PRELID2: variants seen among roughly 807,000 people sequenced by gnomAD.
PRELID2 encodes PRELI domain-containing protein 2.
Under a neutral mutation model 28.4 loss-of-function variants are expected in PRELID2, and 25 were observed. That is an observed-to-expected ratio of 0.88 (90% CI 0.64 to 1.23). The LOEUF is 1.23. Ranked by LOEUF, PRELID2 falls within the 50% of genes most tolerant of loss-of-function variation. The pLI is 0.00. For missense variants in PRELID2, 201 were observed against 214.4 expected, an observed-to-expected ratio of 0.94 and a Z score of 0.39; for synonymous variants, 76 against 71.6, an observed-to-expected ratio of 1.06 and a Z score of -0.31.
chr5:145,691,672 T>G (rs1292768590), intron 1 of PRELID2, among the ~76,000 whole-genome samples: 1 of 151,950 alleles, frequency 6.6e-6, no homozygotes, highest in Non-Finnish European at 1.5e-5. Context: ...AAGCCGAGAT[T>G]ACGCCACTGC....
At chr5:145,487,820 T>C (rs1752230982) in intron 1 of PRELID2, among the ~76,000 whole-genome samples, 1 of 151,046 alleles carries the variant, frequency 6.6e-6, no homozygotes, top group Non-Finnish European at 1.5e-5. Flanking sequence ...ACAGCAGACA[T>C]AAAAATCAAG....
At chr5:145,628,384 C>T (rs915511912) in intron 1 of PRELID2, among the ~76,000 whole-genome samples, 18 of 152,180 alleles carry the variant, frequency 1.2e-4, no homozygotes, top group African/African-American at 3.1e-4. Flanking sequence ...AGTGCAGTGG[C>T]GCCATCTCAG....
At chr5:145,671,338 A>G (rs1196452619) in intron 1 of PRELID2, among the ~76,000 whole-genome samples, 4 of 152,198 alleles carry the variant, frequency 2.6e-5, no homozygotes, top group Admixed American at 6.6e-5. Flanking sequence ...TTTTAGGTCC[A>G]ATAGAGTACT....
chr5:145,281,716 C>G, the PRELID2 span, among the ~76,000 whole-genome samples: 1 of 152,178 alleles, frequency 6.6e-6, no homozygotes, highest in Non-Finnish European at 1.5e-5. Context: ...GCGTGAAAAT[C>G]TAGTTACTTA....
chr5:145,691,048 G>T (rs1052375021), intron 1 of PRELID2, among the ~76,000 whole-genome samples: 1 of 151,886 alleles, frequency 6.6e-6, no homozygotes, highest in Non-Finnish European at 1.5e-5. Context: ...GCATGTGATG[G>T]TGTAAATTGT....
At chr5:145,458,263 G>A in the PRELID2 span, among the ~76,000 whole-genome samples, 1 of 152,178 alleles carries the variant, frequency 6.6e-6, no homozygotes, top group African/African-American at 2.4e-5. Flanking sequence ...TATGAACAAT[G>A]TAACTGGTCA....
chr5:145,371,840 C>G, the PRELID2 span, among the ~76,000 whole-genome samples: 1 of 145,270 alleles, frequency 6.9e-6, no homozygotes, highest in Non-Finnish European at 1.5e-5. Flanking sequence ...TGATTCTTCT[C>G]TCTTTTCTTC....
At chr5:145,350,220 T>C in the PRELID2 span, among the ~76,000 whole-genome samples, 12 of 152,300 alleles carry the variant, frequency 7.9e-5, no homozygotes, top group African/African-American at 1.4e-4. Flanking sequence ...ATCATAATAG[T>C]CTTTAACACT....
At chr5:145,240,717 C>T in the PRELID2 span, among the ~76,000 whole-genome samples, 2 of 152,002 alleles carry the variant, frequency 1.3e-5, 1 homozygote, top group South Asian at 4.1e-4. Context: ...TTAAAGGCTC[C>T]TGTTGCTTAT....
chr5:145,626,196 T>C (rs751183574), intron 1 of PRELID2, among the ~76,000 whole-genome samples: 65 of 152,064 alleles, frequency 4.3e-4, no homozygotes, highest in Non-Finnish European at 6.6e-4. Flanking sequence ...TAATTAAACT[T>C]AAAACCTTCT....
chr5:145,776,595 C>T (rs10040587), intron 5 of PRELID2, among the ~76,000 whole-genome samples: 10,413 of 152,168 alleles, frequency 0.068, 824 homozygotes, highest in African/African-American at 0.19. Flanking sequence ...TACTATCCAC[C>T]GTTTCAGGCA....
At chr5:145,571,750 G>A (rs975312412) in intron 1 of PRELID2, among the ~76,000 whole-genome samples, 2 of 152,096 alleles carry the variant, frequency 1.3e-5, no homozygotes, top group Non-Finnish European at 2.9e-5. Context: ...GGGAGGCTGA[G>A]GCAGGTGGAT....
rs184864117 is a variant in PRELID2 at position 145,722,591 on chromosome 5, T to C, written n.70+42340A>G. Among the ~76,000 whole-genome samples the C allele has an allele frequency of 1.2e-4, 19 of 152,194 alleles. No individual in the cohort carries two copies. In the East Asian group the frequency reaches 3.5e-3, roughly 28 times the overall value. ...TTGGCTCACTGCAGCCTCCACCTCC[T>C]GGGTTCAAGCGATTCTCCTGCCTCA... On this transcript the variant is annotated intron_variant and non_coding_transcript_variant, in intron 1 of 2. Transcript: ENST00000510259.
intron 5 of PRELID2, among the ~76,000 whole-genome samples, chr5:145,778,719 C>T (rs778894415): frequency 6.6e-5 from 10 of 152,138 alleles, no homozygotes; most frequent in South Asian, 2.1e-4. Flanking sequence ...ACACACCCCT[C>T]GCTGCTCCAC....
intron 1 of PRELID2, among the ~76,000 whole-genome samples, chr5:145,487,917 G>C (rs1445548564): frequency 6.6e-6 from 1 of 151,774 alleles, no homozygotes; most frequent in Non-Finnish European, 1.5e-5. Context: ...GAGGTCAGGA[G>C]ATCGAGACCA....
At chr5:145,266,652 G>A in the PRELID2 span, among the ~76,000 whole-genome samples, 8 of 152,112 alleles carry the variant, frequency 5.3e-5, no homozygotes, top group African/African-American at 1.9e-4. Context: ...AGAACTAAAA[G>A]TTGCTCTAAC....
At chr5:145,349,494 AT>A in the PRELID2 span, among the ~76,000 whole-genome samples, 5 of 149,516 alleles carry the variant, frequency 3.3e-5, no homozygotes, top group African/African-American at 4.9e-5. Context: ...ATATGACTTC[AT>A]TTTTTTTTTA....
intron 1 of PRELID2, among the ~76,000 whole-genome samples, chr5:145,642,231 A>T (rs1280401701): frequency 6.6e-6 from 1 of 152,096 alleles, no homozygotes; most frequent in Non-Finnish European, 1.5e-5. Context: ...ATGGTATCTC[A>T]TTGTGGTTTT....
intron 1 of PRELID2, among the ~76,000 whole-genome samples, chr5:145,605,134 C>G (rs960909686): frequency 6.6e-6 from 1 of 151,606 alleles, no homozygotes; most frequent in Non-Finnish European, 1.5e-5. Flanking sequence ...TCAGTTTACT[C>G]TGTTGAGAGT....
Sources: allele counts gnomAD v4.1 joint callset (sites outside exome capture counted in the v4.1 genomes callset), GRCh38; gene constraint gnomAD v4.1.1; transcripts MANE v1.5; gene names NCBI Gene and HGNC (gene_info 2026-07-23, HGNC 2026-07-21).